The following ZNF536 variants were observed in gnomAD, a reference collection of about 807,000 sequenced individuals.
ZNF536 encodes the protein zinc finger protein 536.
In ZNF536, 13 loss-of-function variants were observed where a neutral mutation model predicts 84.5. The observed-to-expected ratio is 0.15, with a 90% CI of 0.10 to 0.24. The LOEUF (loss-of-function observed/expected upper bound fraction) is 0.24. ZNF536 is among the 10% of genes least tolerant of loss of function. The pLI is 1.00. For missense variants in ZNF536, 1,536 were observed against 1,747.5 expected (o/e 0.88, Z 2.16); for synonymous variants, 811 against 742.5 (o/e 1.09, Z -1.50).
intron 1 of ZNF536, among the ~76,000 whole-genome samples, chr19:30,594,389 G>T (rs911278360): frequency 1.6e-4 from 25 of 152,120 alleles, no homozygotes; most frequent in Admixed American, 1.4e-3. Context: ...TGGGGACCCT[G>T]GGAGTCAGGC....
At chr19:30,480,774 G>A (rs879537741) in intron 2 of ZNF536, among the ~76,000 whole-genome samples, 34 of 152,168 alleles carry the variant, frequency 2.2e-4, no homozygotes, top group Admixed American at 5.2e-4. Context: ...AGTGGCTCAT[G>A]CCTGTAATCC....
At chr19:30,482,064 T>A (rs1345005217) in intron 2 of ZNF536, among the ~76,000 whole-genome samples, 1 of 152,246 alleles carries the variant, frequency 6.6e-6, no homozygotes, top group Non-Finnish European at 1.5e-5. Context: ...CTTTCGTTGA[T>A]CAGTGGGTAC....
intron 1 of ZNF536, among the ~76,000 whole-genome samples, chr19:30,242,104 G>A (rs538383456): frequency 9.2e-5 from 14 of 152,176 alleles, no homozygotes; most frequent in African/African-American, 2.9e-4. Context: ...GGCCACTGTG[G>A]TCTTCTCTGC....
intron 1 of ZNF536, among the ~76,000 whole-genome samples, chr19:30,254,212 G>A (rs1180714778): frequency 1.3e-5 from 2 of 152,024 alleles, no homozygotes; most frequent in Non-Finnish European, 2.9e-5. Context: ...TTGTCTCCTG[G>A]GTAAAGACGG....
intron 1 of ZNF536, among the ~76,000 whole-genome samples, chr19:30,406,059 G>A (rs2050250854): frequency 6.6e-6 from 1 of 152,222 alleles, no homozygotes; most frequent in African/African-American, 2.4e-5. Flanking sequence ...TTACAGGCGT[G>A]AGCCACCACG....
downstream of ZNF536, among the ~76,000 whole-genome samples, chr19:30,558,331 T>C (rs896598743): frequency 6.6e-6 from 1 of 152,158 alleles, no homozygotes; most frequent in African/African-American, 2.4e-5. Context: ...CGGGCCCGTT[T>C]CTCTGTACAA....
At chr19:30,429,423 G>A (rs1248269496) in intron 1 of ZNF536, among the ~76,000 whole-genome samples, 1 of 152,106 alleles carries the variant, frequency 6.6e-6, no homozygotes, top group South Asian at 2.1e-4. Flanking sequence ...AGGGAGAGAG[G>A]CAGCAGTAGA....
chr19:30,295,137 C>T (rs1482850282), intron 2 of ZNF536, among the ~76,000 whole-genome samples: 1 of 152,190 alleles, frequency 6.6e-6, no homozygotes, highest in Non-Finnish European at 1.5e-5. Context: ...ATTCTGCATA[C>T]TTAACAGGCT....
chr19:30,415,582 C>A (rs116953038), intron 1 of ZNF536, among the ~76,000 whole-genome samples: 5,555 of 130,326 alleles, frequency 0.043, 155 homozygotes, highest in Middle Eastern at 0.12. Context: ...TCATGATCAT[C>A]ATCATCGTCA....
At chr19:30,533,456 G>T (rs1283035225) in intron 2 of ZNF536, among the ~76,000 whole-genome samples, 1 of 151,722 alleles carries the variant, frequency 6.6e-6, no homozygotes, top group African/African-American at 2.4e-5. Context: ...GGAGTTTGAA[G>T]TTGCAACAAG....
chr19:30,494,249 G>A (rs2054623846), intron 2 of ZNF536, among the ~76,000 whole-genome samples: 1 of 152,182 alleles, frequency 6.6e-6, no homozygotes, highest in African/African-American at 2.4e-5. Context: ...GTAGGCCCCT[G>A]GGATGAGAAG....
intron 1 of ZNF536, among the ~76,000 whole-genome samples, chr19:30,633,221 G>T (rs1035789985): frequency 6.6e-6 from 1 of 152,168 alleles, no homozygotes; most frequent in Non-Finnish European, 1.5e-5. Flanking sequence ...GCTGTCAAAC[G>T]CTTCCACAGG....
chr19:30,500,063 G>T (rs1022957889), intron 2 of ZNF536, among the ~76,000 whole-genome samples: 9 of 152,132 alleles, frequency 5.9e-5, no homozygotes, highest in African/African-American at 1.9e-4. Context: ...TTACCAAAGA[G>T]GGTAATTTTT....
At chr19:30,401,403 A>T (rs112367100) in intron 1 of ZNF536, among the ~76,000 whole-genome samples, 27 of 152,322 alleles carry the variant, frequency 1.8e-4, no homozygotes, top group African/African-American at 6.3e-4. Context: ...CCCATGTCCC[A>T]GTACCTCTGG....
chr19:30,359,874 C>T (rs575496164), intron 3 of ZNF536, among the ~76,000 whole-genome samples: 3 of 152,320 alleles, frequency 2.0e-5, no homozygotes, highest in Admixed American at 1.3e-4. Context: ...GGGCAGTTGA[C>T]CCAGGGCCTA....
At chr19:30,555,697 A>T (rs1342432587) in intron 4 of ZNF536, 1 of 152,260 alleles carries the variant, frequency 6.6e-6, no homozygotes, top group Non-Finnish European at 1.5e-5. Context: ...ATACACAGTG[A>T]GGGCCGCATA....
chr19:30,516,026 CA>C (rs553504551), intron 2 of ZNF536, among the ~76,000 whole-genome samples: 185 of 75,622 alleles, frequency 2.4e-3, no homozygotes, highest in East Asian at 9.6e-3. Flanking sequence ...GACTCCATCT[CA>C]AAAAAAAAAA....
intron 2 of ZNF536, among the ~76,000 whole-genome samples, chr19:30,522,397 C>T (rs1267359195): frequency 1.3e-5 from 2 of 150,942 alleles, no homozygotes; most frequent in Non-Finnish European, 2.9e-5. Context: ...CCAAGGATTG[C>T]GTTCATCTGA....
chr19:30,305,212 A>G (rs747596085), intron 2 of ZNF536, among the ~76,000 whole-genome samples: 2 of 152,130 alleles, frequency 1.3e-5, no homozygotes, highest in Non-Finnish European at 2.9e-5. Context: ...GGAAGCTCAT[A>G]TAGAGTTTGG....
Sources: allele counts gnomAD v4.1 joint callset (sites outside exome capture counted in the v4.1 genomes callset), GRCh38; gene constraint gnomAD v4.1.1; transcripts MANE v1.5; gene names NCBI Gene and HGNC (gene_info 2026-07-23, HGNC 2026-07-21).